The following CSMD1 variants were observed in gnomAD, a reference collection of about 807,000 sequenced individuals.
CSMD1 encodes the protein CUB and sushi domain-containing protein 1.
In CSMD1, 213 loss-of-function variants were observed where a neutral mutation model predicts 417.5. The ratio of observed to expected loss-of-function variants is 0.51; its 90% CI spans 0.46 to 0.57. The LOEUF (loss-of-function observed/expected upper bound fraction) is 0.57, where lower values mean the gene tolerates loss of function less well. Ranked by LOEUF, CSMD1 falls within the 20% of genes least tolerant of loss-of-function variation. The probability of loss-of-function intolerance (pLI) is 0.00; values close to 1 mark genes in which losing one functional copy is unlikely to be tolerated. For missense variants in CSMD1, 6,923 were observed against 4,529.7 expected (o/e 1.53, Z -15.17); for synonymous variants, 2,862 against 1,736.8 (o/e 1.65, Z -16.11).
At chr8:3,667,462 T>C (rs1233516459) in intron 7 of CSMD1, among the ~76,000 whole-genome samples, 1 of 151,998 alleles carries the variant, frequency 6.6e-6, no homozygotes, top group Non-Finnish European at 1.5e-5. Flanking sequence ...CTTGGGGCAC[T>C]ACAGCCCTGG....
chr8:3,477,188 T>C (rs1178500827), intron 11 of CSMD1, among the ~76,000 whole-genome samples: 2 of 152,172 alleles, frequency 1.3e-5, no homozygotes, highest in African/African-American at 4.8e-5. Flanking sequence ...ACAACACTAA[T>C]AAAATGTAGC....
rs1185924417 is a variant in CSMD1, at chr8:4,573,963, A to C, written c.302+63379T>G. Reference sequence around the variant, plus strand: ...TACTCAAGCCTCAGTAATGGCAGACATCCCTCTCTCCACCAAGCTCAAGTC... The same window carrying C: ...TACTCAAGCCTCAGTAATGGCAGACCTCCCTCTCTCCACCAAGCTCAAGTC... On this transcript the variant is annotated intron_variant, in intron 2 of 69. Transcript: ENST00000635120. Among the ~76,000 whole-genome samples the C allele has an allele frequency of 2.6e-5, 4 of 152,148 alleles. No homozygotes were observed. In the East Asian group the frequency reaches 7.7e-4, roughly 29 times the overall value.
At chr8:3,440,556 T>C (rs1254199527) in intron 12 of CSMD1, among the ~76,000 whole-genome samples, 4 of 152,184 alleles carry the variant, frequency 2.6e-5, no homozygotes, top group African/African-American at 7.2e-5. Flanking sequence ...GTGAATTCTT[T>C]GGGAAATTCT....
At chr8:4,769,626 A>C (rs1289355790) in intron 1 of CSMD1, among the ~76,000 whole-genome samples, 1 of 152,170 alleles carries the variant, frequency 6.6e-6, no homozygotes, top group Non-Finnish European at 1.5e-5. Flanking sequence ...TTTCTGATCT[A>C]AATTTCATCT....
intron 1 of CSMD1, among the ~76,000 whole-genome samples, chr8:4,891,505 C>T (rs1804120035): frequency 6.6e-6 from 1 of 152,090 alleles, no homozygotes; most frequent in Non-Finnish European, 1.5e-5. Context: ...AAGAATTAGA[C>T]AATAGTGTTT....
chr8:4,782,618 G>T (rs944776087), intron 1 of CSMD1, among the ~76,000 whole-genome samples: 1 of 152,078 alleles, frequency 6.6e-6, no homozygotes, highest in Non-Finnish European at 1.5e-5. Context: ...AATAAACTCT[G>T]CATGTACAGC....
intron 10 of CSMD1, among the ~76,000 whole-genome samples, chr8:3,538,066 T>A (rs1281315068): frequency 6.6e-6 from 1 of 152,248 alleles, no homozygotes; most frequent in Non-Finnish European, 1.5e-5. Context: ...TGATGGTCAA[T>A]GACCCGATCC....
At chr8:4,357,234 C>G (rs374343246) in intron 3 of CSMD1, among the ~76,000 whole-genome samples, 7 of 152,136 alleles carry the variant, frequency 4.6e-5, no homozygotes, top group Admixed American at 6.5e-5. Context: ...GAGCCTCTTA[C>G]GTGCTAGAAT....
chr8:3,279,769 G>GCC (rs1244100267), intron 26 of CSMD1, among the ~76,000 whole-genome samples: 2 of 152,076 alleles, frequency 1.3e-5, no homozygotes, highest in African/African-American at 4.8e-5. Context: ...TGTTAGAAAG[G>GCC]AGAAGTGCAA....
chr8:3,684,762 C>G (rs1799860574), intron 7 of CSMD1, among the ~76,000 whole-genome samples: 1 of 152,042 alleles, frequency 6.6e-6, no homozygotes, highest in African/African-American at 2.4e-5. Flanking sequence ...AAAATAGAGT[C>G]AGAGCTTGAC....
chr8:4,186,996 AAAAAT>A (rs1226147097), intron 3 of CSMD1, among the ~76,000 whole-genome samples: 1 of 152,184 alleles, frequency 6.6e-6, no homozygotes, highest in African/African-American at 2.4e-5. Flanking sequence ...AAATATAAAT[AAAAAT>A]AAAATAACAA....
chr8:4,859,377 C>G (rs941901438), intron 1 of CSMD1, among the ~76,000 whole-genome samples: 1 of 152,132 alleles, frequency 6.6e-6, no homozygotes, highest in African/African-American at 2.4e-5. Context: ...ATGTCTAAAA[C>G]ACAAAAAGCA....
chr8:3,589,551 T>C (rs1800754111), intron 8 of CSMD1, among the ~76,000 whole-genome samples: 1 of 152,138 alleles, frequency 6.6e-6, no homozygotes, highest in South Asian at 2.1e-4. Flanking sequence ...CTGCATGATC[T>C]CATTTCTAGG....
chr8:4,265,543 C>G (rs1804186225), intron 3 of CSMD1, among the ~76,000 whole-genome samples: 2 of 104,190 alleles, frequency 1.9e-5, no homozygotes, highest in Admixed American at 1.8e-4. Flanking sequence ...TATTTATTTA[C>G]AAATTCTATT....
At chr8:3,781,655 G>C (rs1799190394) in intron 5 of CSMD1, among the ~76,000 whole-genome samples, 1 of 152,208 alleles carries the variant, frequency 6.6e-6, no homozygotes, top group South Asian at 2.1e-4. Context: ...CCTGTGATGT[G>C]AATGGCAGGT....
At chr8:4,887,192 C>A (rs34736459) in intron 1 of CSMD1, among the ~76,000 whole-genome samples, 44,053 of 151,822 alleles carry the variant, frequency 0.29, 6,785 homozygotes, top group East Asian at 0.47. Flanking sequence ...GCCTTTACCG[C>A]AAAGTATTTT....
chr8:4,089,755 T>C (rs1800617687), intron 3 of CSMD1, among the ~76,000 whole-genome samples: 1 of 151,998 alleles, frequency 6.6e-6, no homozygotes, highest in South Asian at 2.1e-4. Flanking sequence ...CATTCATTAG[T>C]TTGGGGGTAT....
chr8:4,359,591 A>G (rs1035207605), intron 3 of CSMD1, among the ~76,000 whole-genome samples: 4 of 152,232 alleles, frequency 2.6e-5, no homozygotes, highest in African/African-American at 4.8e-5. Flanking sequence ...ATGGTGTTCT[A>G]AAAGACTGAA....
intron 12 of CSMD1, among the ~76,000 whole-genome samples, chr8:3,429,415 G>C (rs996486052): frequency 1.3e-5 from 2 of 152,158 alleles, no homozygotes; most frequent in East Asian, 1.9e-4. Context: ...TCCACACAGA[G>C]GTAGTGACCC....
Sources: gnomAD v4.1 joint callset for allele counts (sites outside exome capture counted in the v4.1 genomes callset) on GRCh38, gnomAD v4.1.1 for gene constraint, MANE v1.5 for transcripts, NCBI Gene and HGNC (gene_info 2026-07-23, HGNC 2026-07-21) for gene names.